Variants in LPCAT3 observed in about 807,000 individuals in gnomAD.
LPCAT3 encodes lysophosphatidylcholine acyltransferase 3.
LPCAT3 carries 21 observed loss-of-function variants against 63.4 expected under a neutral mutation model. The observed-to-expected ratio is 0.33, with a 90% confidence interval of 0.23 to 0.48. The LOEUF is 0.48. Ranked by LOEUF, LPCAT3 falls within the 20% of genes least tolerant of loss-of-function variation. The pLI is 0.99. For synonymous variants in LPCAT3, 242 were observed against 227.5 expected (o/e 1.06, Z -0.58); for missense variants, 451 against 590.6 (o/e 0.76, Z 2.45).
chr12:6,986,427 T>C (rs1216117548), intron 1 of LPCAT3, among the ~76,000 whole-genome samples: 2 of 152,320 alleles, frequency 1.3e-5, no homozygotes, highest in Admixed American at 6.5e-5. Flanking sequence ...ACAAAATATA[T>C]GTTAATCAAC....
rs138681284 is a variant in LPCAT3 at position 6,990,821 on chromosome 12, G to T, written c.152-7282C>A. On this transcript the variant is annotated intron_variant, in intron 1 of 12. Coordinates refer to ENST00000261407, the MANE Select transcript of LPCAT3 (RefSeq NM_005768.6). ...GATCCCAGCTACTTGGGAGGCTGAGGCAGGAGAATCGCTTGAACCCAGGAG... is the reference window on the plus strand; with the variant it reads ...GATCCCAGCTACTTGGGAGGCTGAGTCAGGAGAATCGCTTGAACCCAGGAG... Among the ~76,000 whole-genome samples, 400 of 150,076 alleles carry T rather than the reference G, an allele frequency of 2.7e-3. 1 individual carries two copies. Among genetic ancestry groups the T allele is most frequent in the African/African-American group, 9.5e-3 (390 of 40,862 alleles).
intron 1 of LPCAT3, among the ~76,000 whole-genome samples, chr12:6,989,249 C>A (rs782018321): frequency 6.6e-6 from 1 of 151,708 alleles, no homozygotes; most frequent in Non-Finnish European, 1.5e-5. Context: ...CACTCCAAAC[C>A]TGAGGATCTT....
chr12:6,999,479 C>T (rs1946666584), intron 1 of LPCAT3, among the ~76,000 whole-genome samples: 1 of 152,170 alleles, frequency 6.6e-6, no homozygotes, highest in South Asian at 2.1e-4. Flanking sequence ...TTGAACTGTC[C>T]CAAAGGCCTA....
At chr12:6,979,434 G>A (rs1555153776) in intron 7 of LPCAT3, 37 bp downstream of exon 7, 1 of 1,444,242 alleles carries the variant, frequency 6.9e-7, no homozygotes. Flanking sequence ...TCTAGCTCTG[G>A]TGCAGTCATG....
chr12:7,012,935 A>T (rs782702408), intron 1 of LPCAT3, among the ~76,000 whole-genome samples: 1 of 152,248 alleles, frequency 6.6e-6, no homozygotes, highest in Non-Finnish European at 1.5e-5. Context: ...TCATTCATTC[A>T]TACATTCACC....
At chr12:7,003,364 T>G (rs185951075) in intron 1 of LPCAT3, among the ~76,000 whole-genome samples, 2 of 152,012 alleles carry the variant, frequency 1.3e-5, no homozygotes, top group Admixed American at 1.3e-4. Flanking sequence ...GGTGAGTTTT[T>G]TTTTTTTTTT....
chr12:7,007,496 T>TAA (rs1946734116), intron 1 of LPCAT3, among the ~76,000 whole-genome samples: 1 of 147,540 alleles, frequency 6.8e-6, no homozygotes, highest in Non-Finnish European at 1.5e-5. Flanking sequence ...ACAAAAGCTT[T>TAA]TTTTTTTTTT....
chr12:6,995,657 A>G lies in LPCAT3; in HGVS notation c.152-12118T>C, dbSNP rs1177918664. Among the ~76,000 whole-genome samples, 5 of 151,790 alleles carry G rather than the reference A, an allele frequency of 3.3e-5. No individual in the cohort carries two copies. The East Asian group carries it at 7.8e-4, about 24-fold the overall frequency. ...TGGATCTCACCCTTAAATCCTTGCA[A>G]TGGCCTCCTACCTGATCTCTGCCTG... On this transcript the variant is annotated intron_variant, in intron 1 of 12. Coordinates refer to ENST00000261407, the MANE Select transcript of LPCAT3 (RefSeq NM_005768.6).
chr12:7,013,888 A>C (rs753424406), intron 1 of LPCAT3, among the ~76,000 whole-genome samples: 18 of 152,204 alleles, frequency 1.2e-4, no homozygotes, highest in Non-Finnish European at 1.5e-5. Context: ...AATGTTCCCT[A>C]TCACCTACGT....
rs1202608210 is a variant in LPCAT3 at position 6,976,278 on chromosome 12, C to G, written c.*626G>C. On this transcript the variant is annotated 3_prime_UTR_variant, in exon 13 of 13. Transcript: ENST00000261407. ...GGGCCTTGCACCCCTCTCCACCCCCCCATGGGGGGGGTGGTGGTAGCGGCA... is the reference window on the plus strand; with the variant it reads ...GGGCCTTGCACCCCTCTCCACCCCCGCATGGGGGGGGTGGTGGTAGCGGCA... The G allele has an allele frequency of 1.3e-5, 2 of 153,986 alleles. No individual in the cohort carries two copies. The highest frequency in any genetic ancestry group is 2.4e-5 in the African/African-American group (1 of 41,442). The allele number at this position is 153,986 out of a possible 1,614,324, so 9.5% of individuals were successfully genotyped here.
At position 7,018,172 on chromosome 12, in the gene LPCAT3, C is replaced by G. The variant is rs1946807859; in HGVS notation, c.151+102G>C. On this transcript the variant is annotated intron_variant, in intron 1 of 12. Coordinates refer to ENST00000261407, the MANE Select transcript of LPCAT3 (RefSeq NM_005768.6). This position sits in a 1 kb window ranked among gnomAD's most constrained non-coding sequence, Gnocchi z 4.9. ...GGATTCACACCCGCACCCGGCACAG[C>G]CCTCCCGGGTGGCTCCGGGAAGAGA... is the stretch of plus-strand genomic sequence containing the variant. The G allele has an allele frequency of 3.6e-6, 5 of 1,382,572 alleles. No individual in the cohort carries two copies. The highest frequency in any genetic ancestry group is 2.3e-4 in the Middle Eastern group (1 of 4,394). The allele number at this position is 1,382,572 out of a possible 1,614,324, so 85.6% of individuals were successfully genotyped here.
intron 1 of LPCAT3, among the ~76,000 whole-genome samples, chr12:7,003,137 A>G (rs1258833571): frequency 6.6e-6 from 1 of 152,230 alleles, no homozygotes; most frequent in Admixed American, 6.5e-5. Flanking sequence ...ACAAATGACA[A>G]CTAATGGATT....
In LPCAT3 at chr12:6,996,002, A is replaced by G. The variant is rs151278566; in HGVS notation, c.152-12463T>C. Among the ~76,000 whole-genome samples the G allele has an allele frequency of 1.5e-3, 235 of 152,196 alleles. 2 individuals carry two copies. The highest frequency in any genetic ancestry group is 5.5e-3 in the African/African-American group (228 of 41,520). ...CTTAATGAAGCATCTAGAGGGTTCTATTCAACTTAAGTCAGCAGGTCACTC... is the reference window on the plus strand; with the variant it reads ...CTTAATGAAGCATCTAGAGGGTTCTGTTCAACTTAAGTCAGCAGGTCACTC... On this transcript the variant is annotated intron_variant, in intron 1 of 12. Coordinates refer to ENST00000261407, the MANE Select transcript of LPCAT3 (RefSeq NM_005768.6).
Position 6,978,664 on chromosome 12 carries a change from A to G in LPCAT3, c.812T>C (p.Met271Thr). ...YDNHPFWFRCMYMLIWGKFVL... is the reference protein window; with the variant it reads ...YDNHPFWFRCTYMLIWGKFVL... ...AAACTTGCCCCAGATCAGCATGTACATGCAGCGGAACCAGAAGGGGTGGTT... is the reference window on the plus strand; with the variant it reads ...AAACTTGCCCCAGATCAGCATGTACGTGCAGCGGAACCAGAAGGGGTGGTT... Residue 271 changes from methionine (M) to threonine (T), a missense_variant, in exon 8 of 13, where the codon ATG (methionine) becomes ACG (threonine). Coordinates refer to ENST00000261407, the MANE Select transcript of LPCAT3 (RefSeq NM_005768.6). 5 of 1,614,218 alleles carry G rather than the reference A, an allele frequency of 3.1e-6. No homozygotes were observed. The highest frequency in any genetic ancestry group is 1.1e-5 in the South Asian group (1 of 91,084).
intron 6 of LPCAT3, among the ~76,000 whole-genome samples, chr12:6,980,209 G>A (rs1946456091): frequency 6.6e-6 from 1 of 151,912 alleles, no homozygotes; most frequent in African/African-American, 2.4e-5. Flanking sequence ...CACCTTGCCT[G>A]GATAATTTTT....
At chr12:6,978,241 G>T in intron 9 of LPCAT3, 100 bp downstream of exon 9, 1 of 1,394,620 alleles carries the variant, frequency 7.2e-7, no homozygotes. Context: ...TGCCCAGATG[G>T]GAAAGACGCA....
At chr12:6,981,231 A>G in intron 5 of LPCAT3, 49 bp from the exon 6 acceptor site, 2 of 1,477,034 alleles carry the variant, frequency 1.4e-6, no homozygotes, top group Non-Finnish European at 1.8e-6. Context: ...GAATCTCCCC[A>G]CAAGAGCCAC....
At chr12:6,997,203 T>A (rs181461898) in intron 1 of LPCAT3, 37 of 152,288 alleles carry the variant, frequency 2.4e-4, no homozygotes, top group African/African-American at 8.9e-4. Flanking sequence ...TATTTCTTTA[T>A]TTTTTTATTT....
intron 1 of LPCAT3, among the ~76,000 whole-genome samples, chr12:7,015,576 G>A (rs1946792423): frequency 6.6e-6 from 1 of 152,172 alleles, no homozygotes; most frequent in African/African-American, 2.4e-5. Flanking sequence ...TTTAAACTGT[G>A]CCTACTAGGA....
Sources: allele counts gnomAD v4.1 joint callset (sites outside exome capture counted in the v4.1 genomes callset), GRCh38; gene constraint gnomAD v4.1.1; non-coding constraint Gnocchi (gnomAD v3.1); transcripts MANE v1.5; gene names NCBI Gene and HGNC (gene_info 2026-07-23, HGNC 2026-07-21).